GRIK1: variants seen among roughly 807,000 people sequenced by gnomAD.
GRIK1 encodes glutamate ionotropic receptor kainate type subunit 1, also known as glutamate receptor ionotropic, kainate 1.
Under a neutral mutation model 105.7 loss-of-function variants are expected in GRIK1, and 69 were observed. The ratio of observed to expected loss-of-function variants is 0.65; its 90% confidence interval spans 0.54 to 0.80. The LOEUF (loss-of-function observed/expected upper bound fraction) is 0.80. Among genes scored for constraint, GRIK1 ranks in the 30% least tolerant of loss-of-function variants. GRIK1 has a pLI of 0.00. For synonymous variants in GRIK1, 438 were observed against 431.3 expected, an observed-to-expected ratio of 1.02 and a Z score of -0.19; for missense variants, 1,109 against 1,167.3, an observed-to-expected ratio of 0.95 and a Z score of 0.73.
rs547625393 is a variant in GRIK1 at position 29,706,139 on chromosome 21, G to A, written c.119-12076C>T. On this transcript the variant is annotated intron_variant, in intron 1 of 17. Coordinates refer to ENST00000327783, the MANE Select transcript of GRIK1 (RefSeq NM_001330994.2). ...TCTGTCCGCCTCGGCCTCCCAAAGC[G>A]CTGGGATTACAGGCATGAGCCACCA... is the stretch of plus-strand genomic sequence containing the variant. Among the ~76,000 whole-genome samples, 185 of 152,152 alleles carry A rather than the reference G, an allele frequency of 1.2e-3. 2 individuals are homozygous for A. The highest frequency in any genetic ancestry group is 4.2e-3 in the African/African-American group (175 of 41,522).
At chr21:29,656,354 C>A (rs1351773034) in intron 4 of GRIK1, among the ~76,000 whole-genome samples, 1 of 51,172 alleles carries the variant, frequency 2.0e-5, no homozygotes, top group Non-Finnish European at 4.6e-5. Context: ...GAGCGAGACT[C>A]AAAAAAAAAA....
intron 5 of GRIK1, among the ~76,000 whole-genome samples, chr21:29,652,643 T>A (rs1342467510): frequency 1.3e-5 from 2 of 152,260 alleles, no homozygotes; most frequent in East Asian, 3.8e-4. Flanking sequence ...TAATTTCAAC[T>A]TTTTTCTTAT....
At chr21:29,826,088 C>A (rs1008737329) in intron 1 of GRIK1, among the ~76,000 whole-genome samples, 1 of 152,050 alleles carries the variant, frequency 6.6e-6, no homozygotes, top group Non-Finnish European at 1.5e-5. Context: ...TTTCTTCCTG[C>A]CCTCTGCACA....
intron 14 of GRIK1, among the ~76,000 whole-genome samples, chr21:29,565,770 G>C (rs1320246014): frequency 6.6e-6 from 1 of 152,158 alleles, no homozygotes; most frequent in Non-Finnish European, 1.5e-5. Flanking sequence ...CAACTGCAAG[G>C]AGTATGTCAT....
At chr21:29,596,000 C>G in intron 9 of GRIK1, 1 of 242,666 alleles carries the variant, frequency 4.1e-6, no homozygotes, top group South Asian at 5.7e-5. Context: ...ACAGTATACT[C>G]TGATGAAGAT....
At chr21:29,778,041 T>C (rs572188904) in intron 1 of GRIK1, among the ~76,000 whole-genome samples, 2 of 152,250 alleles carry the variant, frequency 1.3e-5, no homozygotes, top group South Asian at 4.2e-4. Flanking sequence ...TCAATAAGAA[T>C]AAAAACGTAT....
chr21:29,883,994 G>A (rs906480058), intron 1 of GRIK1, among the ~76,000 whole-genome samples: 8 of 151,872 alleles, frequency 5.3e-5, no homozygotes, highest in African/African-American at 1.9e-4. Flanking sequence ...AAGAAGGGGG[G>A]GATGCTTTAT....
Position 29,651,245 on chromosome 21 carries a change from T to A in GRIK1, c.827A>T (p.Asn276Ile). The A allele has an allele frequency of 6.2e-7, 1 of 1,613,668 alleles. No homozygotes were observed. The highest frequency in any genetic ancestry group is 1.1e-5 in the South Asian group (1 of 91,076). ...GTTAAGCAGCCGAAACCCGGTCATG[T>A]TTACGCCACTGTACCTATAGAGTTC... The part of the protein sequence containing the change: ...DLELYRYSGV[N>I]MTGFRLLNID... The change falls in exon 6 of 18, where the codon AAC becomes ATC. Residue 276 changes from asparagine (N) to isoleucine (I), a missense_variant. Asn to Ile is a moderately radical substitution (Grantham distance 149, BLOSUM62 -3). Around this residue, in one of 5 missense-constraint regions of GRIK1, gnomAD observed 612 missense variants for 586.0 expected, o/e 1.04. Coordinates refer to ENST00000327783, the MANE Select transcript of GRIK1 (RefSeq NM_001330994.2).
chr21:29,728,339 A>G (rs151291603), intron 1 of GRIK1, among the ~76,000 whole-genome samples: 3 of 152,312 alleles, frequency 2.0e-5, no homozygotes, highest in South Asian at 2.1e-4. Context: ...TATGTGATAG[A>G]AGGCCAAGGT....
intron 1 of GRIK1, among the ~76,000 whole-genome samples, chr21:29,761,781 CT>C (rs796792982): frequency 9.0e-5 from 11 of 122,510 alleles, no homozygotes; most frequent in African/African-American, 3.1e-4. Flanking sequence ...CAGTTTAGCT[CT>C]TGTTGCCCAG....
chr21:29,595,644 A>G (rs2061398849), intron 9 of GRIK1, among the ~76,000 whole-genome samples: 1 of 152,160 alleles, frequency 6.6e-6, no homozygotes, highest in Non-Finnish European at 1.5e-5. Flanking sequence ...GTTCAAGTTG[A>G]ACAACCTGAA....
intron 3 of GRIK1, among the ~76,000 whole-genome samples, chr21:29,673,686 T>G (rs962924177): frequency 6.6e-6 from 1 of 152,232 alleles, no homozygotes; most frequent in Non-Finnish European, 1.5e-5. Flanking sequence ...TATAAACTAT[T>G]TGTAAATGGC....
chr21:29,658,582 A>G (rs1390703235), intron 4 of GRIK1, among the ~76,000 whole-genome samples: 1 of 152,188 alleles, frequency 6.6e-6, no homozygotes, highest in Admixed American at 6.5e-5. Context: ...TCTTAATGGA[A>G]TTAATCTTGT....
At chr21:29,695,892 A>G (rs1307055625) in intron 1 of GRIK1, among the ~76,000 whole-genome samples, 1 of 152,190 alleles carries the variant, frequency 6.6e-6, no homozygotes, top group African/African-American at 2.4e-5. Flanking sequence ...TTCTCTCTCC[A>G]TTCAAAGGGG....
At chr21:29,585,071 A>G (rs1042147117) in intron 12 of GRIK1, among the ~76,000 whole-genome samples, 5 of 152,106 alleles carry the variant, frequency 3.3e-5, no homozygotes, top group African/African-American at 1.2e-4. Flanking sequence ...CACTGGATGT[A>G]TAACACCTCC....
intron 1 of GRIK1, among the ~76,000 whole-genome samples, chr21:29,927,668 C>T (rs1355951666): frequency 6.6e-6 from 1 of 151,574 alleles, no homozygotes; most frequent in Non-Finnish European, 1.5e-5. Context: ...GTCAGGAGAT[C>T]GAGACCACCC....
intron 16 of GRIK1, 132 bp downstream of exon 16, chr21:29,554,920 C>G (rs918928626): frequency 1.3e-5 from 9 of 695,920 alleles, no homozygotes; most frequent in Admixed American, 5.8e-5. Flanking sequence ...GCTCTCTGCT[C>G]TAACTCAAAA....
intron 1 of GRIK1, among the ~76,000 whole-genome samples, chr21:29,872,090 T>A (rs1269426812): frequency 6.6e-6 from 1 of 151,720 alleles, no homozygotes; most frequent in African/African-American, 2.4e-5. Context: ...AAATGACAAA[T>A]AAAAACTGTA....
At chr21:29,601,133 C>A in intron 7 of GRIK1, 1 of 424,354 alleles carries the variant, frequency 2.4e-6, no homozygotes, top group Non-Finnish European at 5.1e-6. Flanking sequence ...AGGCAGACAG[C>A]CCTCTCCACG....
Sources: allele counts gnomAD v4.1 joint callset (sites outside exome capture counted in the v4.1 genomes callset), GRCh38; gene constraint gnomAD v4.1.1; regional missense constraint gnomAD v4.1.1; transcripts MANE v1.5; gene names NCBI Gene and HGNC (gene_info 2026-07-23, HGNC 2026-07-21).